PDE4D: variants seen among roughly 807,000 people sequenced by gnomAD.
PDE4D encodes 3',5'-cyclic-AMP phosphodiesterase 4D.
PDE4D carries 24 observed loss-of-function variants against 87.4 expected under a neutral mutation model. That is an observed-to-expected ratio of 0.27 (90% CI 0.20 to 0.39). PDE4D has a LOEUF of 0.39. Among genes scored for constraint, PDE4D ranks in the 10% least tolerant of loss-of-function variants. The pLI is 1.00. For synonymous variants in PDE4D, 384 were observed against 383.2 expected (o/e 1.00, Z -0.02); for missense variants, 714 against 1,041.0 (o/e 0.69, Z 4.32).
chr5:59,588,337 A>T (rs1000220842), intron 1 of PDE4D, among the ~76,000 whole-genome samples: 1 of 151,948 alleles, frequency 6.6e-6, no homozygotes, highest in Non-Finnish European at 1.5e-5. Context: ...AAAATAGTAA[A>T]CTCTTGTAAT....
In PDE4D at chr5:59,819,111, A is replaced by C. The variant is rs528682530; in HGVS notation, c.455+74057T>G. Among the ~76,000 whole-genome samples, 28 of 152,328 alleles carry C rather than the reference A, an allele frequency of 1.8e-4. No homozygotes were observed. The East Asian group carries it at 5.0e-3, about 27-fold the overall frequency. On this transcript the variant is annotated intron_variant, in intron 1 of 14. Coordinates refer to ENST00000340635, the MANE Select transcript of PDE4D (RefSeq NM_001104631.2). ...AGTTACTTGGTATAAAGTTTATTTG[A>C]GTGCATTAAAATGAGTAAATAATAT...
chr5:60,250,000 T>C (rs1288658517), intron 1 of PDE4D, among the ~76,000 whole-genome samples: 1 of 152,014 alleles, frequency 6.6e-6, no homozygotes, highest in African/African-American at 2.4e-5. Flanking sequence ...AATTTTATTG[T>C]TAAAAATCCT....
intron 1 of PDE4D, among the ~76,000 whole-genome samples, chr5:59,357,822 G>A (rs2153591026): frequency 6.6e-6 from 1 of 152,308 alleles, no homozygotes; most frequent in African/African-American, 2.4e-5. Flanking sequence ...ACCACTGAGT[G>A]GTATTCAATG....
At chr5:60,226,915 T>C (rs1745181254) in intron 1 of PDE4D, among the ~76,000 whole-genome samples, 1 of 152,016 alleles carries the variant, frequency 6.6e-6, no homozygotes, top group Admixed American at 6.6e-5. Flanking sequence ...CAACCCATAA[T>C]CTTGATTAAT....
intron 1 of PDE4D, among the ~76,000 whole-genome samples, chr5:59,648,781 A>G (rs2150226612): frequency 6.6e-6 from 1 of 152,242 alleles, no homozygotes; most frequent in African/African-American, 2.4e-5. Flanking sequence ...TTGCATTATC[A>G]AGGCTAAGAA....
intron 1 of PDE4D, among the ~76,000 whole-genome samples, chr5:59,883,541 A>C (rs919087028): frequency 6.6e-6 from 1 of 152,230 alleles, no homozygotes; most frequent in African/African-American, 2.4e-5. Context: ...CACAGTTATA[A>C]GAAACATTTA....
intron 1 of PDE4D, among the ~76,000 whole-genome samples, chr5:60,427,206 G>A (rs1235270294): frequency 6.6e-6 from 1 of 152,108 alleles, no homozygotes; most frequent in African/African-American, 2.4e-5. Context: ...AAGAAGTTTA[G>A]CAAACCCCAA....
intron 1 of PDE4D, among the ~76,000 whole-genome samples, chr5:59,772,967 A>C (rs1168100555): frequency 6.6e-6 from 1 of 152,206 alleles, no homozygotes; most frequent in Non-Finnish European, 1.5e-5. Context: ...GATAATAATG[A>C]GGATGATGAT....
chr5:59,186,036 A>G (rs552180123), intron 3 of PDE4D, among the ~76,000 whole-genome samples: 2 of 152,308 alleles, frequency 1.3e-5, no homozygotes, highest in African/African-American at 4.8e-5. Context: ...GCCTAGGAGA[A>G]GGTTCCTAGA....
intron 3 of PDE4D, among the ~76,000 whole-genome samples, chr5:59,934,580 T>C (rs1529843): frequency 0.42 from 63,762 of 152,098 alleles, 14,198 homozygotes; most frequent in East Asian, 0.77. Context: ...AAGTTTCAGA[T>C]AGTGGCAGAT....
At chr5:60,120,260 G>A (rs897674557) in intron 2 of PDE4D, among the ~76,000 whole-genome samples, 1 of 152,054 alleles carries the variant, frequency 6.6e-6, no homozygotes, top group African/African-American at 2.4e-5. Context: ...ACTTTGTGAA[G>A]AGCATAGATG....
rs113714678 is a variant in PDE4D, at chr5:60,498,250, G to A, written n.70+23801C>T. Among the ~76,000 whole-genome samples the A allele has an allele frequency of 5.3e-5, 8 of 151,976 alleles. 1 individual carries two copies. The highest frequency in any genetic ancestry group is 1.9e-4 in the African/African-American group (8 of 41,438). On this transcript the variant is annotated intron_variant and non_coding_transcript_variant, in intron 1 of 2. Coordinates refer to the PDE4D transcript ENST00000506510. The stretch of plus-strand genomic sequence containing the variant: ...ACCACAAAGATTGTGCTGTGACTCA[G>A]GTTAGAGATGTCTTTGCTCAGAGGA...
intron 1 of PDE4D, chr5:60,429,824 T>G: frequency 2.8e-6 from 1 of 351,920 alleles, no homozygotes; most frequent in Non-Finnish European, 5.5e-6. Flanking sequence ...TGCTCAATGG[T>G]GGTGGATTAG....
intron 2 of PDE4D, among the ~76,000 whole-genome samples, chr5:60,108,144 A>G (rs1582695750): frequency 6.6e-6 from 1 of 151,876 alleles, no homozygotes; most frequent in South Asian, 2.1e-4. Context: ...TTAAGCTGAT[A>G]AGCAACTTCA....
upstream of PDE4D, among the ~76,000 whole-genome samples, chr5:59,897,100 T>A (rs1464731218): frequency 1.3e-5 from 2 of 152,196 alleles, no homozygotes; most frequent in African/African-American, 2.4e-5. Flanking sequence ...CATTAGCACA[T>A]CTATATAAAA....
At chr5:59,019,857 G>T (rs1455852173) in intron 6 of PDE4D, among the ~76,000 whole-genome samples, 2 of 150,108 alleles carry the variant, frequency 1.3e-5, no homozygotes, top group Non-Finnish European at 3.0e-5. Flanking sequence ...TCAGAGGTAT[G>T]TCTATATGTT....
At chr5:59,795,832 C>T (rs1281594911) in intron 1 of PDE4D, among the ~76,000 whole-genome samples, 1 of 151,982 alleles carries the variant, frequency 6.6e-6, no homozygotes, top group Non-Finnish European at 1.5e-5. Context: ...GAGAGGTAAT[C>T]GAGTTAAAAT....
intron 5 of PDE4D, among the ~76,000 whole-genome samples, chr5:59,125,743 C>G (rs184594471): frequency 1.4e-3 from 210 of 152,028 alleles, no homozygotes; most frequent in African/African-American, 4.8e-3. Flanking sequence ...GATGGGGGAG[C>G]GAATGACAGA....
chr5:60,263,530 A>G (rs1749867013), intron 1 of PDE4D, among the ~76,000 whole-genome samples: 1 of 152,224 alleles, frequency 6.6e-6, no homozygotes, highest in Non-Finnish European at 1.5e-5. Flanking sequence ...ACAACAGTTA[A>G]AGCAGAGTTT....
Sources: allele counts gnomAD v4.1 joint callset (sites outside exome capture counted in the v4.1 genomes callset), GRCh38; gene constraint gnomAD v4.1.1; transcripts MANE v1.5; gene names NCBI Gene and HGNC (gene_info 2026-07-23, HGNC 2026-07-21).